Variants in TMEM161B observed in about 807,000 individuals in gnomAD.
The protein encoded by TMEM161B is transmembrane protein 161B.
Under a neutral mutation model 61.8 loss-of-function variants are expected in TMEM161B, and 34 were observed. The ratio of observed to expected loss-of-function variants is 0.55; its 90% CI spans 0.42 to 0.73. The LOEUF is 0.73. TMEM161B is among the 30% of genes least tolerant of loss of function. TMEM161B has a pLI of 0.00. For missense variants in TMEM161B, 456 were observed against 558.5 expected (o/e 0.82, Z 1.85); for synonymous variants, 167 against 192.8 (o/e 0.87, Z 1.11).
intron 4 of TMEM161B, chr5:88,221,874 A>G (rs1749054239): frequency 5.0e-6 from 2 of 399,896 alleles, no homozygotes; most frequent in Admixed American, 5.5e-5. Context: ...ATATAATGCA[A>G]TTACACTTGA....
intron 4 of TMEM161B, among the ~76,000 whole-genome samples, chr5:88,221,068 TCTAG>T (rs1367274062): frequency 6.6e-6 from 1 of 152,188 alleles, no homozygotes; most frequent in Admixed American, 6.5e-5. Flanking sequence ...CTTTTAAATA[TCTAG>T]CTATGATACC....
downstream of TMEM161B, among the ~76,000 whole-genome samples, chr5:88,192,943 G>C (rs1015798613): frequency 3.9e-5 from 6 of 152,166 alleles, no homozygotes; most frequent in East Asian, 1.9e-4. Flanking sequence ...TCCTGGACCT[G>C]TCAATTCCAT....
chr5:88,238,476 T>C (rs1268964347), intron 2 of TMEM161B, among the ~76,000 whole-genome samples: 1 of 152,144 alleles, frequency 6.6e-6, no homozygotes. Context: ...ATCTATTTAC[T>C]TGAATAGTTC....
chr5:88,215,311 G>C (rs954743029), intron 5 of TMEM161B, among the ~76,000 whole-genome samples: 11 of 152,128 alleles, frequency 7.2e-5, no homozygotes, highest in Admixed American at 4.6e-4. Context: ...CCAGACAGGG[G>C]TTACTTCTGC....
chr5:88,248,931 T>G (rs1580686203), intron 1 of TMEM161B, among the ~76,000 whole-genome samples: 1 of 151,992 alleles, frequency 6.6e-6, no homozygotes, highest in East Asian at 1.9e-4. Context: ...TTAAGCCTTC[T>G]TTTTTTTCCC....
intron 6 of TMEM161B, 66 bp downstream of exon 6, chr5:88,206,963 C>T (rs1175655476): frequency 5.7e-6 from 8 of 1,414,406 alleles, no homozygotes; most frequent in African/African-American, 4.3e-5. Flanking sequence ...AACTTAAATA[C>T]TGAAGTCAAA....
intron 1 of TMEM161B, among the ~76,000 whole-genome samples, chr5:88,249,157 C>A (rs1300313672): frequency 6.6e-6 from 1 of 152,118 alleles, no homozygotes; most frequent in East Asian, 1.9e-4. Context: ...GCCCTGTATG[C>A]CCTCCACAGA....
downstream of TMEM161B, among the ~76,000 whole-genome samples, chr5:88,188,819 T>A (rs1748526296): frequency 6.6e-6 from 1 of 152,086 alleles, no homozygotes; most frequent in African/African-American, 2.4e-5. Flanking sequence ...GCACATGTGG[T>A]TAGAGTTGGG....
At chr5:88,268,094 A>T (rs1307405459) in intron 1 of TMEM161B, among the ~76,000 whole-genome samples, 1 of 152,188 alleles carries the variant, frequency 6.6e-6, no homozygotes, top group Non-Finnish European at 1.5e-5. Flanking sequence ...TTTAAGGTGC[A>T]TGCAAATCTT....
At chr5:88,256,537 G>A (rs931361918) in intron 1 of TMEM161B, among the ~76,000 whole-genome samples, 1 of 152,166 alleles carries the variant, frequency 6.6e-6, no homozygotes, top group African/African-American at 2.4e-5. Flanking sequence ...AACTGCTACT[G>A]AGTCTTCAAC....
At chr5:88,211,421 A>T (rs1746724869) in intron 5 of TMEM161B, among the ~76,000 whole-genome samples, 1 of 151,312 alleles carries the variant, frequency 6.6e-6, no homozygotes. Flanking sequence ...AATAAGAAAA[A>T]AAAAAGTCAA....
At chr5:88,217,563 G>A (rs529108675) in intron 5 of TMEM161B, among the ~76,000 whole-genome samples, 6 of 151,464 alleles carry the variant, frequency 4.0e-5, no homozygotes, top group South Asian at 2.1e-4. Flanking sequence ...TGGTGGTGGC[G>A]GCAGCGGTGG....
At chr5:88,243,983 G>A (rs1464434168) in intron 1 of TMEM161B, among the ~76,000 whole-genome samples, 4 of 151,664 alleles carry the variant, frequency 2.6e-5, no homozygotes, top group Non-Finnish European at 5.9e-5. Flanking sequence ...TGGGTTGTCT[G>A]GTTTTTGCTT....
intron 5 of TMEM161B, among the ~76,000 whole-genome samples, chr5:88,207,596 T>C (rs186754687): frequency 2.0e-5 from 3 of 152,288 alleles, no homozygotes; most frequent in Admixed American, 2.0e-4. Context: ...ATCTGTGGTA[T>C]GAAAACTAAG....
chr5:88,196,988 A>G (rs1239812265), intron 11 of TMEM161B, among the ~76,000 whole-genome samples: 2 of 152,130 alleles, frequency 1.3e-5, no homozygotes, highest in African/African-American at 4.8e-5. Context: ...TTACAATTGA[A>G]CTACCTATCC....
chr5:88,252,602 T>C (rs1754473051), intron 1 of TMEM161B, among the ~76,000 whole-genome samples: 1 of 152,092 alleles, frequency 6.6e-6, no homozygotes. Context: ...GTTTCAAAGG[T>C]TATTTCAAGA....
chr5:88,221,805 T>A (rs370052157), intron 4 of TMEM161B: 1 of 455,264 alleles, frequency 2.2e-6, no homozygotes, highest in Non-Finnish European at 4.4e-6. Flanking sequence ...TCAATTCAGA[T>A]GTTCTTATGG....
At chr5:88,250,209 G>C (rs1334269114) in intron 1 of TMEM161B, among the ~76,000 whole-genome samples, 2 of 151,986 alleles carry the variant, frequency 1.3e-5, no homozygotes, top group African/African-American at 4.8e-5. Context: ...GAGAGAGAGA[G>C]AGAGACCGAG....
At chr5:88,204,841 A>G (rs560884717) in intron 8 of TMEM161B, among the ~76,000 whole-genome samples, 1 of 138,480 alleles carries the variant, frequency 7.2e-6, no homozygotes, top group African/African-American at 2.9e-5. Context: ...GAAAAATGGA[A>G]GTGAGGTTAA....
Sources: allele counts gnomAD v4.1 joint callset (sites outside exome capture counted in the v4.1 genomes callset), GRCh38; gene constraint gnomAD v4.1.1; transcripts MANE v1.5; gene names NCBI Gene and HGNC (gene_info 2026-07-23, HGNC 2026-07-21).